Variants in ACACB observed in about 807,000 individuals in gnomAD.
ACACB encodes acetyl-CoA carboxylase beta, also known as acetyl-CoA carboxylase 2.
A neutral mutation model predicts 278.8 loss-of-function variants in ACACB; 209 were observed. The observed-to-expected ratio is 0.75, with a 90% CI of 0.67 to 0.84. The LOEUF (loss-of-function observed/expected upper bound fraction) is 0.84, where lower values mean the gene tolerates loss of function less well. Ranked by LOEUF, ACACB falls within the 40% of genes least tolerant of loss-of-function variation. ACACB has a pLI of 0.00. For missense variants in ACACB, 2,850 were observed against 3,269.0 expected, an observed-to-expected ratio of 0.87 and a Z score of 3.13; for synonymous variants, 1,174 against 1,285.6, an observed-to-expected ratio of 0.91 and a Z score of 1.86.
At chr12:109,210,111 A>G (rs1445406700) in intron 21 of ACACB, among the ~76,000 whole-genome samples, 6 of 106,998 alleles carry the variant, frequency 5.6e-5, no homozygotes, top group Non-Finnish European at 9.6e-5. Context: ...GTGTATATGT[A>G]TATATACACG....
intron 18 of ACACB, among the ~76,000 whole-genome samples, chr12:109,200,874 CTG>C (rs1465505019): frequency 2.6e-5 from 4 of 152,190 alleles, no homozygotes; most frequent in Non-Finnish European, 5.9e-5. Flanking sequence ...AGAGGTGAAA[CTG>C]TCATTATTCC....
chr12:109,243,175 T>C (rs2046847486), intron 37 of ACACB, among the ~76,000 whole-genome samples: 1 of 152,244 alleles, frequency 6.6e-6, no homozygotes, highest in Non-Finnish European at 1.5e-5. Flanking sequence ...TTTTGATGTG[T>C]TTCCTTCTGG....
Position 109,222,783 on chromosome 12 carries a change from A to G in ACACB, c.3679-16A>G, listed in dbSNP as rs1183699648. The G allele has an allele frequency of 2.6e-6, 4 of 1,543,208 alleles. No homozygotes were observed. The highest frequency in any genetic ancestry group is 2.8e-5 in the African/African-American group (2 of 70,664). On this transcript the variant is annotated splice_polypyrimidine_tract_variant and intron_variant, in intron 25 of 52. Coordinates refer to ENST00000338432, the MANE Select transcript of ACACB (RefSeq NM_001093.4). ...GAGGTTGGCTCACGCCAGCGCCCCC[A>G]TCCCTCCCCCTGCAGATCCTGATTG... is the stretch of plus-strand genomic sequence containing the variant.
intron 1 of ACACB, among the ~76,000 whole-genome samples, chr12:109,127,456 G>T (rs191274098): frequency 6.6e-6 from 1 of 151,892 alleles, no homozygotes; most frequent in African/African-American, 2.4e-5. Flanking sequence ...AAAATTAGCT[G>T]GGCATGGTGG....
chr12:109,234,812 C>T (rs7313527), intron 31 of ACACB, among the ~76,000 whole-genome samples: 3,462 of 146,496 alleles, frequency 0.024, 134 homozygotes, highest in African/African-American at 0.083. Flanking sequence ...GGGTGGGGGC[C>T]GAGGGGAGGG....
chr12:109,230,242 T>C (rs761725391), intron 28 of ACACB, among the ~76,000 whole-genome samples: 1 of 152,250 alleles, frequency 6.6e-6, no homozygotes, highest in Non-Finnish European at 1.5e-5. Context: ...CACGAGGCAC[T>C]GCCTTTCCTA....
At chr12:109,237,867 C>T (rs937784709) in intron 34 of ACACB, among the ~76,000 whole-genome samples, 1 of 151,712 alleles carries the variant, frequency 6.6e-6, no homozygotes, top group Admixed American at 6.6e-5. Context: ...CAAAAATTAC[C>T]TGGGCGTGGT....
In ACACB at chr12:109,265,106, A is replaced by G; in HGVS notation, c.6943-4A>G. ...CCGGGGATTCAAGCCTGGCTCGTCC[A>G]CAGGACATCCTGGAGTGGAAGACCG... On this transcript the variant is annotated splice_polypyrimidine_tract_variant and splice_region_variant and intron_variant, in intron 50 of 52. Transcript: ENST00000338432. The G allele has an allele frequency of 6.2e-7, 1 of 1,603,690 alleles. No homozygotes were observed. The highest frequency in any genetic ancestry group is 1.1e-5 in the South Asian group (1 of 89,118).
chr12:109,195,949 A>G (rs1196249100), intron 16 of ACACB, among the ~76,000 whole-genome samples: 1 of 152,210 alleles, frequency 6.6e-6, no homozygotes, highest in East Asian at 1.9e-4. Flanking sequence ...CGTATCAGAC[A>G]GGGCAGATCT....
chr12:109,138,167 G>C (rs972562688), intron 1 of ACACB, among the ~76,000 whole-genome samples: 3 of 152,190 alleles, frequency 2.0e-5, no homozygotes, highest in African/African-American at 7.2e-5. Flanking sequence ...GCCTCCCAAA[G>C]TGCTGGGATT....
In ACACB at chr12:109,176,278, C is replaced by T; in HGVS notation, c.1437+15C>T. The T allele has an allele frequency of 6.2e-7, 1 of 1,605,968 alleles. No individual in the cohort carries two copies. The highest frequency in any genetic ancestry group is 8.5e-7 in the Non-Finnish European group (1 of 1,172,538). ...TTTTCAGACAAGTGAGCAGTTCTTG[C>T]TGTGTCTTTTCGCATCTGTCTTTGG... On this transcript the variant is annotated intron_variant, in intron 9 of 52. Transcript: ENST00000338432.
rs7312701 is a variant in ACACB, at chr12:109,163,244, A to G, written c.654-3617A>G. 6.7e-3 allele frequency among the ~76,000 whole-genome samples: 1,014 copies of G among 152,210 alleles called. 22 individuals carry two copies. Among genetic ancestry groups the G allele is most frequent in the African/African-American group, 0.023 (953 of 41,526 alleles). The stretch of plus-strand genomic sequence containing the variant: ...CCGGCCCTGAGGTCCAGTTTCTCAT[A>G]TGTAAGTCAAGGTCCAAACCAGTAG... On this transcript the variant is annotated intron_variant, in intron 2 of 52. Transcript: ENST00000338432.
chr12:109,211,321 A>G (rs1272889089), intron 21 of ACACB, among the ~76,000 whole-genome samples: 1 of 150,176 alleles, frequency 6.7e-6, no homozygotes, highest in African/African-American at 2.5e-5. Flanking sequence ...GGCACAAAAG[A>G]CCACATATTA....
chr12:109,126,318 C>T (rs1381818112), intron 1 of ACACB, among the ~76,000 whole-genome samples: 1 of 152,198 alleles, frequency 6.6e-6, no homozygotes, highest in Non-Finnish European at 1.5e-5. Flanking sequence ...CTCTTACCTT[C>T]CTTCAAGGCA....
intron 40 of ACACB, chr12:109,249,502 A>G (rs2047037845): frequency 6.6e-6 from 1 of 152,010 alleles, no homozygotes; most frequent in Non-Finnish European, 1.5e-5. Flanking sequence ...TGATTTATTT[A>G]TTTATTTGAG....
At chr12:109,223,945 G>C (rs772781428) in intron 27 of ACACB, 41 bp downstream of exon 27, 3 of 1,543,112 alleles carry the variant, frequency 1.9e-6, no homozygotes, top group Non-Finnish European at 2.7e-6. Context: ...GACCATGCCA[G>C]TTCTAGTGTT....
Position 109,168,004 on chromosome 12 carries a change from G to C in ACACB, c.895G>C (p.Val299Leu), listed in dbSNP as rs573637382. 2.5e-6 allele frequency: 4 copies of C among 1,613,474 alleles called. No individual in the cohort carries two copies. In the East Asian group the frequency reaches 8.9e-5, roughly 36 times the overall value. Residue 299 changes from valine to leucine, a missense_variant, in exon 4 of 53, where the codon GTG becomes CTG. Val to Leu is a conservative substitution (Grantham distance 32). Around this residue, in one of 3 missense-constraint regions of ACACB, gnomAD observed 2,265 missense variants for 2,561.3 expected, o/e 0.88. Coordinates refer to ENST00000338432, the MANE Select transcript of ACACB (RefSeq NM_001093.4). ...GCGGGCCATCCGGTTTGTTGTGATG[G>C]TGACCCCCGAGGACCTTAAGGCCAA... ...NERAIRFVVM[V>L]TPEDLKANAE...
Position 109,245,663 on chromosome 12 carries a change from C to T in ACACB, c.5216C>T (p.Pro1739Leu). Residue 1739 changes from proline (P) to leucine (L), a missense_variant, in exon 38 of 53, where the codon CCC (proline) becomes CTC (leucine). Coordinates refer to ENST00000338432, the MANE Select transcript of ACACB (RefSeq NM_001093.4). Reference sequence around the variant, plus strand: ...CTGTGGGGCTCCCCAGACAAGTATCCCAAAGACATCCTGACATACACTGAA... The same window carrying T: ...CTGTGGGGCTCCCCAGACAAGTATCTCAAAGACATCCTGACATACACTGAA... The part of the protein sequence containing the change: ...FKLWGSPDKY[P>L]KDILTYTELV... 6.2e-7 allele frequency: 1 copy of T among 1,614,092 alleles called. No homozygotes were observed. Among genetic ancestry groups the T allele is most frequent in the Non-Finnish European group, 8.5e-7 (1 of 1,180,000 alleles).
chr12:109,185,646 G>T lies in ACACB; in HGVS notation c.1886G>T (p.Gly629Val). 1 of 1,613,838 alleles carries T rather than the reference G, an allele frequency of 6.2e-7. No individual in the cohort carries two copies. The highest frequency in any genetic ancestry group is 1.1e-5 in the South Asian group (1 of 91,052). Residue 629 changes from glycine to valine, a missense_variant, in exon 12 of 53, where the codon GGA (glycine) becomes GTA (valine). Transcript: ENST00000338432. ...IRLLYGESPW[G>V]VTPISFETPS... ...CTTCTGTATGGAGAGTCACCATGGGGAGTGACTCCCATTTCTTTTGAAACC... is the reference window on the plus strand; with the variant it reads ...CTTCTGTATGGAGAGTCACCATGGGTAGTGACTCCCATTTCTTTTGAAACC...
Sources: allele counts gnomAD v4.1 joint callset (sites outside exome capture counted in the v4.1 genomes callset), GRCh38; gene constraint gnomAD v4.1.1; regional missense constraint gnomAD v4.1.1; transcripts MANE v1.5; gene names NCBI Gene and HGNC (gene_info 2026-07-23, HGNC 2026-07-21).